Variants in FANCC observed in about 807,000 individuals in gnomAD.
FANCC encodes FA complementation group C.
Under a neutral mutation model 71.3 loss-of-function variants are expected in FANCC, and 55 were observed. The ratio of observed to expected loss-of-function variants is 0.77; its 90% CI spans 0.62 to 0.97. The LOEUF is 0.97. Among genes scored for constraint, FANCC ranks in the 50% least tolerant of loss-of-function variants. The pLI is 0.00. For missense variants in FANCC, 678 were observed against 670.9 expected (o/e 1.01, Z -0.12); for synonymous variants, 275 against 244.9 (o/e 1.12, Z -1.15).
At chr9:95,304,576 C>T (rs55677511) in intron 1 of FANCC, among the ~76,000 whole-genome samples, 1 of 107,138 alleles carries the variant, frequency 9.3e-6, no homozygotes, top group Admixed American at 1.2e-4. Context: ...GAAACCCTGT[C>T]TCTACTAAAA....
chr9:95,176,703 T>C (rs1443279681), intron 4 of FANCC, among the ~76,000 whole-genome samples: 1 of 152,288 alleles, frequency 6.6e-6, no homozygotes, highest in African/African-American at 2.4e-5. Context: ...GCTACTGTTA[T>C]TGTATATCAC....
chr9:95,141,985 G>GTTTTTTTTTT (rs1163083695), intron 7 of FANCC, among the ~76,000 whole-genome samples: 2 of 83,138 alleles, frequency 2.4e-5, no homozygotes, highest in Non-Finnish European at 2.1e-5. Flanking sequence ...AGTTTGTGGG[G>GTTTTTTTTTT]TTTTTTTTTT....
intron 4 of FANCC, among the ~76,000 whole-genome samples, chr9:95,198,751 G>A (rs1827614618): frequency 6.6e-6 from 1 of 152,070 alleles, no homozygotes; most frequent in African/African-American, 2.4e-5. Flanking sequence ...TGTGGGGGAG[G>A]GGAGACAGAG....
At chr9:95,179,924 C>CAAA (rs1826237663) in intron 4 of FANCC, among the ~76,000 whole-genome samples, 1 of 152,040 alleles carries the variant, frequency 6.6e-6, no homozygotes, top group Non-Finnish European at 1.5e-5. Flanking sequence ...AAAGTTTATC[C>CAAA]ATAACATTAG....
intron 12 of FANCC, chr9:95,114,104 C>T (rs1012726484): frequency 5.4e-6 from 1 of 186,298 alleles, no homozygotes; most frequent in Non-Finnish European, 1.1e-5. Context: ...TTAAAACAAA[C>T]CAACCAACCC....
Position 95,299,753 on chromosome 9 carries a change from C to T in FANCC, c.-79+17773G>A, listed in dbSNP as rs192704267. Among the ~76,000 whole-genome samples, 15 of 152,156 alleles carry T rather than the reference C, an allele frequency of 9.9e-5. No homozygotes were observed. In the East Asian group the frequency reaches 1.9e-3, roughly 20 times the overall value. The stretch of plus-strand genomic sequence containing the variant: ...GCGCATGCCTGTGGTTCCAGCTACA[C>T]GGGAGGCTGAGGTGGGAGAATTGTT... On this transcript the variant is annotated intron_variant, in intron 1 of 14. Transcript: ENST00000289081.
rs116616372 is a variant in FANCC at position 95,266,701 on chromosome 9, G to C, written c.-78-17332C>G. Among the ~76,000 whole-genome samples the C allele has an allele frequency of 2.2e-3, 330 of 152,124 alleles. 1 individual carries two copies. The highest frequency in any genetic ancestry group is 7.5e-3 in the African/African-American group (311 of 41,416). ...AAATAGAAGGTGAAACCTTTGTAGAGAACCATAGCACCCTAATAAATCCCA... is the reference window on the plus strand; with the variant it reads ...AAATAGAAGGTGAAACCTTTGTAGACAACCATAGCACCCTAATAAATCCCA... On this transcript the variant is annotated intron_variant, in intron 1 of 14. Transcript: ENST00000289081.
In FANCC at chr9:95,292,456, C is replaced by T. The variant is rs938238018; in HGVS notation, c.-79+25070G>A. The T allele has an allele frequency of 8.9e-6, 11 of 1,242,912 alleles. No individual in the cohort carries two copies. In the East Asian group the frequency reaches 2.1e-4, roughly 24 times the overall value. 77.0% of individuals were successfully genotyped at this position (1,242,912 alleles called of 1,614,324 possible). On this transcript the variant is annotated intron_variant, in intron 1 of 14. Coordinates refer to ENST00000289081, the MANE Select transcript of FANCC (RefSeq NM_000136.3). ...GCCGCCTCGGGCCCGTGGGTGCCCC[C>T]GGGACCCCGACTGAGGGGCAGCCGG...
chr9:95,267,999 C>T (rs1832488092), intron 1 of FANCC, among the ~76,000 whole-genome samples: 1 of 152,218 alleles, frequency 6.6e-6, no homozygotes, highest in Admixed American at 6.5e-5. Context: ...GGCCCCACAG[C>T]CTGGCCTCAC....
chr9:95,250,106 T>C (rs1419339865), intron 1 of FANCC, among the ~76,000 whole-genome samples: 6 of 152,088 alleles, frequency 3.9e-5, no homozygotes, highest in Admixed American at 3.3e-4. Context: ...AAAAGAACAA[T>C]GGAGTTACAC....
At chr9:95,106,776 C>T (rs767752177) in intron 14 of FANCC, among the ~76,000 whole-genome samples, 10 of 152,296 alleles carry the variant, frequency 6.6e-5, no homozygotes, top group South Asian at 4.1e-4. Flanking sequence ...AAGAAATGTA[C>T]GTAGGGGGAC....
chr9:95,110,311 A>G (rs557464180), intron 13 of FANCC: 30 of 1,015,420 alleles, frequency 3.0e-5, no homozygotes, highest in Non-Finnish European at 3.5e-5. Flanking sequence ...AATTGAACAC[A>G]TATCTACCAA....
intron 4 of FANCC, among the ~76,000 whole-genome samples, chr9:95,194,072 G>T (rs920472889): frequency 3.3e-5 from 5 of 151,522 alleles, no homozygotes; most frequent in Non-Finnish European, 7.4e-5. Flanking sequence ...AGAGGGTTGT[G>T]TTTTTTTTTA....
At chr9:95,263,491 T>TGC (rs1457957002) in intron 1 of FANCC, among the ~76,000 whole-genome samples, 1 of 148,468 alleles carries the variant, frequency 6.7e-6, no homozygotes, top group Non-Finnish European at 1.5e-5. Flanking sequence ...TGTGTGTGTG[T>TGC]GTATGTATGT....
intron 4 of FANCC, among the ~76,000 whole-genome samples, chr9:95,199,900 A>G (rs1009173464): frequency 1.5e-4 from 23 of 152,216 alleles, no homozygotes; most frequent in African/African-American, 5.5e-4. Flanking sequence ...TCCCCAGCTT[A>G]TATGAACCTT....
intron 3 of FANCC, among the ~76,000 whole-genome samples, chr9:95,243,702 G>A (rs1048626862): frequency 3.3e-5 from 5 of 152,250 alleles, no homozygotes; most frequent in Admixed American, 6.5e-5. Flanking sequence ...GCTGAGGCAG[G>A]AGAATGGCGT....
chr9:95,228,417 G>A (rs1374574228), intron 4 of FANCC, among the ~76,000 whole-genome samples: 1 of 152,136 alleles, frequency 6.6e-6, no homozygotes, highest in African/African-American at 2.4e-5. Flanking sequence ...GGTCAACTTT[G>A]TCCATTCTCT....
chr9:95,295,460 A>C (rs559308919), intron 1 of FANCC, among the ~76,000 whole-genome samples: 3 of 152,362 alleles, frequency 2.0e-5, no homozygotes, highest in East Asian at 3.9e-4. Flanking sequence ...TCTTCAAAGA[A>C]GACAAACAAA....
chr9:95,313,211 G>A (rs1564850509), intron 1 of FANCC, among the ~76,000 whole-genome samples: 1 of 152,192 alleles, frequency 6.6e-6, no homozygotes, highest in Non-Finnish European at 1.5e-5. Flanking sequence ...TTGGGGAAGC[G>A]GCACACCCCA....
Sources: allele counts gnomAD v4.1 joint callset (sites outside exome capture counted in the v4.1 genomes callset), GRCh38; gene constraint gnomAD v4.1.1; transcripts MANE v1.5; gene names NCBI Gene and HGNC (gene_info 2026-07-23, HGNC 2026-07-21).